The following GSDMD variants were observed in gnomAD, a reference collection of about 807,000 sequenced individuals.
GSDMD encodes the protein gasdermin-D.
A neutral mutation model predicts 46.7 loss-of-function variants in GSDMD; 46 were observed. The observed-to-expected ratio is 0.99, with a 90% confidence interval of 0.78 to 1.26. GSDMD has a LOEUF of 1.26. Among genes scored for constraint, GSDMD ranks in the 50% most tolerant of loss-of-function variants. The pLI is 0.00. For missense variants in GSDMD, 649 were observed against 638.8 expected, an observed-to-expected ratio of 1.02 and a Z score of -0.17; for synonymous variants, 307 against 283.1, an observed-to-expected ratio of 1.08 and a Z score of -0.85.
chr8:143,561,174 C>A, intron 5 of GSDMD, 70 bp downstream of exon 5: 1 of 1,470,224 alleles, frequency 6.8e-7, no homozygotes. Context: ...GGGAGAGCTA[C>A]CCGCCAGCTT....
Position 143,560,764 on chromosome 8 carries a change from G to A in GSDMD, c.572G>A (p.Cys191Tyr). 6.5e-7 allele frequency: 1 copy of A among 1,543,986 alleles called. No individual in the cohort carries two copies. The highest frequency in any genetic ancestry group is 8.7e-7 in the Non-Finnish European group (1 of 1,143,706). Residue 191 changes from cysteine to tyrosine, a missense_variant, in exon 4 of 11, where the codon TGC becomes TAC. Physicochemically the swap from Cys to Tyr is radical, Grantham distance 194 (BLOSUM62 -2). Transcript: ENST00000262580. ...CGGTTTTCCCTGCCCGGAGCCACGT[G>A]CTTGCAGGTGTGTAGCCAGCCCCGG... ...SGRFSLPGAT[C>Y]LQGEGQGHLS...
Position 143,562,067 on chromosome 8 carries a change from T to A in GSDMD, c.932T>A (p.Leu311Gln), listed in dbSNP as rs769760222. 3.1e-6 allele frequency: 5 copies of A among 1,597,142 alleles called. No homozygotes were observed. In the South Asian group the frequency reaches 4.4e-5, roughly 14 times the overall value. Residue 311 changes from leucine (L) to glutamine (Q), a missense_variant, in exon 8 of 11, where the codon CTG becomes CAG. Transcript: ENST00000262580. ...CTTTTGGACAGAGAGCTGTGCCAGCTGCTGCTGGAGGGCCTGGAGGGGGTG... is the reference window on the plus strand; with the variant it reads ...CTTTTGGACAGAGAGCTGTGCCAGCAGCTGCTGGAGGGCCTGGAGGGGGTG... ...LELLDRELCQ[L>Q]LLEGLEGVLR...
chr8:143,562,513 C>T lies in GSDMD; in HGVS notation c.1204C>T (p.Leu402Phe). 1 of 1,607,144 alleles carries T rather than the reference C, an allele frequency of 6.2e-7. No homozygotes were observed. Among genetic ancestry groups the T allele is most frequent in the Non-Finnish European group, 8.5e-7 (1 of 1,179,442 alleles). Reference protein sequence around the residue: ...ALESQTLLGPLELVGSLLEQS... With the variant: ...ALESQTLLGPFELVGSLLEQS... ...GGAGTCGCAGACCCTGTTGGGGCCG[C>T]TCGAGCTGGTGAGAGGGTTGGGTTC... Residue 402 changes from leucine to phenylalanine, a missense_variant, in exon 10 of 11, where the codon CTC (leucine) becomes TTC (phenylalanine). Transcript: ENST00000262580.
At chr8:143,555,564 C>T (rs1324993408), upstream of GSDMD, among the ~76,000 whole-genome samples, 1 of 152,208 alleles carries the variant, frequency 6.6e-6, no homozygotes, top group Non-Finnish European at 1.5e-5. Flanking sequence ...TGCTGTGTGC[C>T]CGGCTCCTTC....
At position 143,561,516 on chromosome 8, in the gene GSDMD, G is replaced by A. The variant is rs997899632; in HGVS notation, c.736+93G>A. 28 of 1,322,818 alleles carry A rather than the reference G, an allele frequency of 2.1e-5. No homozygotes were observed. In the Middle Eastern group the frequency reaches 5.5e-4, roughly 26 times the overall value. The allele number at this position is 1,322,818 out of a possible 1,614,324, so 81.9% of individuals were successfully genotyped here. A position where few individuals can be genotyped will look rare whatever the true frequency, so the allele number is the denominator to read the frequency against. ...CTTCTCCTCATGTTCTCAGGGCACA[G>A]GGAGGCCGGGCAGCCCCCTGAGGCG... On this transcript the variant is annotated intron_variant, in intron 6 of 10. Transcript: ENST00000262580.
intron 2 of GSDMD, 26 bp from the exon 3 acceptor site, chr8:143,559,751 C>G: frequency 1.3e-6 from 2 of 1,564,632 alleles, no homozygotes; most frequent in Non-Finnish European, 1.7e-6. Context: ...GCGCTGGGCA[C>G]AGCCTCAGGT....
At position 143,561,026 on chromosome 8, in the gene GSDMD, CAGA is replaced by C; in HGVS notation, c.611_613del (p.Lys204del). 1 of 1,612,966 alleles carries C rather than the reference CAGA, an allele frequency of 6.2e-7. No homozygotes were observed. The highest frequency in any genetic ancestry group is 8.5e-7 in the Non-Finnish European group (1 of 1,179,970). On this transcript the variant is annotated inframe_deletion, in exon 5 of 11. Transcript: ENST00000262580. ...GGGTGAGGGCCAGGGCCATCTGAGC[CAGA>C]AGAAGACGGTCACCATCCCCTCAGG...
At chr8:143,558,112 T>G, upstream of GSDMD, 1 of 523,692 alleles carries the variant, frequency 1.9e-6, no homozygotes, top group South Asian at 2.1e-5. Flanking sequence ...CAGTCTGGTC[T>G]TGAACTCCCG....
chr8:143,558,461 G>A lies in GSDMD; in HGVS notation c.-5+10G>A. The A allele has an allele frequency of 1.4e-6, 2 of 1,478,306 alleles. No individual in the cohort carries two copies. Among genetic ancestry groups the A allele is most frequent in the Middle Eastern group, 1.8e-4 (1 of 5,544 alleles). The allele number at this position is 1,478,306 out of a possible 1,614,324, so 91.6% of individuals were successfully genotyped here. On this transcript the variant is annotated intron_variant, in intron 1 of 10. Transcript: ENST00000262580. The stretch of plus-strand genomic sequence containing the variant: ...GGCGCCGACGGTCACGGTGAGCTGC[G>A]CCCCGCCCCCTCCCCCGGCCTGGCT...
Position 143,559,430 on chromosome 8 carries a change from C to T in GSDMD, c.95C>T (p.Thr32Ile). The T allele has an allele frequency of 6.2e-7, 1 of 1,612,968 alleles. No homozygotes were observed. Among genetic ancestry groups the T allele is most frequent in the Non-Finnish European group, 8.5e-7 (1 of 1,179,992 alleles). The change falls in exon 2 of 11, where the codon ACT (threonine) becomes ATT (isoleucine). Residue 32 changes from threonine to isoleucine, a missense_variant. Physicochemically the swap from Thr to Ile is moderately conservative, Grantham distance 89. Transcript: ENST00000262580. Reference protein sequence around the residue: ...FIPVTSLQSSTGFQPYCLVVR... With the variant: ...FIPVTSLQSSIGFQPYCLVVR... ...CCTGTGACCAGCCTGCAGAGCTCCA[C>T]TGGCTTCCAGCCCTACTGCCTGGTG...
intron 1 of GSDMD, chr8:143,558,785 T>A (rs1823373285): frequency 1.7e-6 from 1 of 599,138 alleles, no homozygotes; most frequent in Non-Finnish European, 3.1e-6. Flanking sequence ...CTGCAGCCCC[T>A]CCACAGTGGC....
In GSDMD at chr8:143,562,860, G is replaced by T; in HGVS notation, c.1411G>T (p.Ala471Ser). Reference protein sequence around the residue: ...QAQGRMCALYASLALLSGLSQ... With the variant: ...QAQGRMCALYSSLALLSGLSQ... ...CCAGGGCCGCATGTGTGCACTCTACGCCTCCCTGGCACTGCTATCAGGACT... is the reference window on the plus strand; with the variant it reads ...CCAGGGCCGCATGTGTGCACTCTACTCCTCCCTGGCACTGCTATCAGGACT... Residue 471 changes from alanine (A) to serine (S), a missense_variant, in exon 11 of 11, where the codon GCC (alanine) becomes TCC (serine). Ala to Ser is a moderately conservative substitution (Grantham distance 99, BLOSUM62 1). Transcript: ENST00000262580. The T allele has an allele frequency of 6.2e-7, 1 of 1,612,362 alleles. No individual in the cohort carries two copies. The highest frequency in any genetic ancestry group is 8.5e-7 in the Non-Finnish European group (1 of 1,179,926).
chr8:143,561,416 C>A lies in GSDMD; in HGVS notation c.729C>A (p.Pro243=). Residue 243 remains proline, a synonymous_variant, in exon 6 of 11, where the codon CCC becomes CCA. Transcript: ENST00000262580. ...PDKKQRTFQP[P]ATGHKRSTSE... is the part of the protein sequence containing the mutation. Reference sequence around the variant, plus strand: ...AGAAGCAGAGGACCTTCCAGCCACCCGCGACAGGTGAGAGCCGAGAGCCCC... The same window carrying A: ...AGAAGCAGAGGACCTTCCAGCCACCAGCGACAGGTGAGAGCCGAGAGCCCC... 1.9e-6 allele frequency: 3 copies of A among 1,611,210 alleles called. No homozygotes were observed. Among genetic ancestry groups the A allele is most frequent in the Non-Finnish European group, 2.5e-6 (3 of 1,179,400 alleles).
chr8:143,559,389 TG>T lies in GSDMD; in HGVS notation c.56del (p.Gly19ValfsTer7). The part of the protein sequence containing the change: ...VRRVVQELDH[G>X]GEFIPVTSLQ... ...GGAGAGTGGTCCAGGAGCTGGACCA[TG>T]GTGGGGAGTTCATCCCTGTGACCAG... On this transcript the variant is annotated frameshift_variant, in exon 2 of 11. Transcript: ENST00000262580. LOFTEE classifies it high-confidence loss of function. The T allele has an allele frequency of 6.2e-7, 1 of 1,610,130 alleles. No individual in the cohort carries two copies. Among genetic ancestry groups the T allele is most frequent in the Non-Finnish European group, 8.5e-7 (1 of 1,178,842 alleles).
Position 143,562,739 on chromosome 8 carries a change from C to T in GSDMD, c.1290C>T (p.Asn430=). Residue 430 remains asparagine, a synonymous_variant, in exon 11 of 11, where the codon AAC becomes AAT. Transcript: ENST00000262580. ...CCCTGCCCCCCGGGCTCCTGGGGAACAGCTGGGGCGAAGGAGCACCGGCCT... is the reference window on the plus strand; with the variant it reads ...CCCTGCCCCCCGGGCTCCTGGGGAATAGCTGGGGCGAAGGAGCACCGGCCT... ...TMSLPPGLLG[N]SWGEGAPAWV... 2 of 1,587,494 alleles carry T rather than the reference C, an allele frequency of 1.3e-6. No homozygotes were observed. The highest frequency in any genetic ancestry group is 1.7e-6 in the Non-Finnish European group (2 of 1,167,000).
Position 143,562,906 on chromosome 8 carries a change from C to T in GSDMD, c.*2C>T. The T allele has an allele frequency of 1.2e-6, 2 of 1,612,000 alleles. No homozygotes were observed. The highest frequency in any genetic ancestry group is 2.2e-5 in the South Asian group (2 of 91,044). On this transcript the variant is annotated 3_prime_UTR_variant, in exon 11 of 11. Transcript: ENST00000262580. ...GGACTGAGCCAGGAGCCCCACTAGC[C>T]TGTGCCCGGGCATGGCCTGGCAGCT...
chr8:143,559,296 C>CCCTG, intron 1 of GSDMD, 36 bp from the exon 2 acceptor site: 1 of 1,052,406 alleles, frequency 9.5e-7, no homozygotes, highest in Non-Finnish European at 1.4e-6. Flanking sequence ...CCGCCCGCCC[C>CCCTG]GAGAGCACAA....
chr8:143,559,727 G>GGGGGAGAGGCGGGGCGCT (rs1823402913), intron 2 of GSDMD, 50 bp from the exon 3 acceptor site: 1 of 1,538,746 alleles, frequency 6.5e-7, no homozygotes, highest in Non-Finnish European at 8.8e-7. Context: ...TGGTGGGGGC[G>GGGGGAGAGGCGGGGCGCT]GGGGAGAGGC....
upstream of GSDMD, chr8:143,553,782 G>A (rs886463421): frequency 2.0e-5 from 3 of 146,944 alleles, 1 homozygote; most frequent in Non-Finnish European, 4.6e-5. Flanking sequence ...ACTGCCCGTT[G>A]ACCTGCGGGC....
Sources: allele counts gnomAD v4.1 joint callset (sites outside exome capture counted in the v4.1 genomes callset), GRCh38; gene constraint gnomAD v4.1.1; transcripts MANE v1.5; gene names NCBI Gene and HGNC (gene_info 2026-07-23, HGNC 2026-07-21).